Variants in PSMD9 observed in about 807,000 individuals in gnomAD.
PSMD9 encodes the protein proteasome 26S subunit, non-ATPase 9, also known as 26S proteasome non-ATPase regulatory subunit 9.
A neutral mutation model predicts 25.9 loss-of-function variants in PSMD9; 26 were observed. That is an observed-to-expected ratio of 1.00 (90% confidence interval 0.73 to 1.39). The LOEUF is 1.39. PSMD9 is among the 40% of genes most tolerant of loss of function. PSMD9 has a pLI of 0.00. For missense variants in PSMD9, 303 were observed against 299.3 expected, an observed-to-expected ratio of 1.01 and a Z score of -0.09; for synonymous variants, 110 against 114.5, an observed-to-expected ratio of 0.96 and a Z score of 0.25.
intron 4 of PSMD9, chr12:121,915,649 T>G (rs182954630): frequency 3.1e-4 from 163 of 532,798 alleles, no homozygotes; most frequent in African/African-American, 3.0e-3. Context: ...GGACACGTGT[T>G]TTTTGAGGAA....
intron 4 of PSMD9, among the ~76,000 whole-genome samples, chr12:121,911,317 G>C (rs1879713391): frequency 6.6e-6 from 1 of 152,174 alleles, no homozygotes; most frequent in Admixed American, 6.5e-5. Flanking sequence ...TGGGATTACA[G>C]GACACTGTAT....
rs542016320 is a variant in PSMD9, at chr12:121,899,702, G to A, written c.310G>A (p.Asp104Asn). ...GGCCCTGCACCAGCTGCACGCTCGC[G>A]ACAAGGAGAAGCAGGCCCGGGACAT... ...EEALHQLHARDKEKQARDMAE... is the reference protein window; with the variant it reads ...EEALHQLHARNKEKQARDMAE... The change falls in exon 3 of 6, where the codon GAC becomes AAC. Residue 104 changes from aspartate (D) to asparagine (N), a missense_variant. Physicochemically the swap from Asp to Asn is conservative, Grantham distance 23. Transcript: ENST00000541212. 15 of 1,614,090 alleles carry A rather than the reference G, an allele frequency of 9.3e-6. No individual in the cohort carries two copies. In the African/African-American group the frequency reaches 1.3e-4, roughly 14 times the overall value.
Position 121,898,542 on chromosome 12 carries a change from CT to C in PSMD9, c.242-1075del, listed in dbSNP as rs370294954. 266 of 139,614 alleles carry C rather than the reference CT, an allele frequency of 1.9e-3. 2 individuals carry two copies. The highest frequency in any genetic ancestry group is 2.9e-3 in the African/African-American group (113 of 38,336). 8.6% of individuals were successfully genotyped at this position (139,614 alleles called of 1,614,324 possible). A position where few individuals can be genotyped will look rare whatever the true frequency, so the allele number is the denominator to read the frequency against. ...CCAGGATTACTAGGCTTATGCAGCA[CT>C]TTTTTTTTTTTTTTTTGAGACGAAT... On this transcript the variant is annotated intron_variant, in intron 2 of 5. Coordinates refer to ENST00000541212, the MANE Select transcript of PSMD9 (RefSeq NM_002813.7).
Position 121,917,004 on chromosome 12 carries a change from T to C in PSMD9, c.*693T>C, listed in dbSNP as rs946243336. On this transcript the variant is annotated 3_prime_UTR_variant, in exon 6 of 6. Transcript: ENST00000541212. Reference sequence around the variant, plus strand: ...AAGAACCCCTCCGTTTTTGTGTGTTTTTGTTTTTGTTTTCTGGAGACAAGG... The same window carrying C: ...AAGAACCCCTCCGTTTTTGTGTGTTCTTGTTTTTGTTTTCTGGAGACAAGG... 1 of 152,386 alleles carries C rather than the reference T, an allele frequency of 6.6e-6. No individual in the cohort carries two copies. Among genetic ancestry groups the C allele is most frequent in the Non-Finnish European group, 1.5e-5 (1 of 68,234 alleles). 9.4% of individuals were successfully genotyped at this position (152,386 alleles called of 1,614,324 possible).
chr12:121,899,536 C>T (rs2135722900), intron 2 of PSMD9, 98 bp from the exon 3 acceptor site: 2 of 1,142,468 alleles, frequency 1.8e-6, no homozygotes, highest in East Asian at 2.6e-5. Context: ...CCACATCTGG[C>T]ATGTAATAAG....
Position 121,901,012 on chromosome 12 carries a change from A to G in PSMD9, c.453+1167A>G, listed in dbSNP as rs1295728279. Among the ~76,000 whole-genome samples the G allele has an allele frequency of 2.1e-5, 3 of 145,708 alleles. No individual in the cohort carries two copies. The East Asian group carries it at 6.0e-4, about 29-fold the overall frequency. On this transcript the variant is annotated intron_variant, in intron 3 of 5. Coordinates refer to ENST00000541212, the MANE Select transcript of PSMD9 (RefSeq NM_002813.7). ...AAAAAAAAAAAAAAAAAAAAAGGAG[A>G]TGGGGTTTCGCTCTGTTGCGTAGGT...
intron 2 of PSMD9, chr12:121,898,291 T>C (rs139212143): frequency 7.2e-5 from 11 of 152,360 alleles, no homozygotes; most frequent in Non-Finnish European, 2.9e-5. Flanking sequence ...TGTGCTGGCG[T>C]GGCCTGCAGA....
intron 1 of PSMD9, among the ~76,000 whole-genome samples, chr12:121,889,552 T>G (rs1423238724): frequency 6.6e-6 from 1 of 152,084 alleles, no homozygotes; most frequent in African/African-American, 2.4e-5. Context: ...TAAACTTCAG[T>G]GTGTATATGA....
chr12:121,904,330 T>C (rs1290007348), intron 4 of PSMD9, among the ~76,000 whole-genome samples: 1 of 149,644 alleles, frequency 6.7e-6, no homozygotes, highest in Non-Finnish European at 1.5e-5. Flanking sequence ...ATCCCAGCAC[T>C]TTAGGAGGGC....
At chr12:121,912,884 A>G (rs7978403) in intron 4 of PSMD9, among the ~76,000 whole-genome samples, 16,565 of 148,340 alleles carry the variant, frequency 0.11, 1,382 homozygotes, top group East Asian at 0.24. Context: ...AAAAAAAAAA[A>G]AAAGAAAGAA....
chr12:121,894,759 C>T lies in PSMD9; in HGVS notation c.159C>T (p.Asn53=), dbSNP rs769423875. 2.3e-5 allele frequency: 37 copies of T among 1,613,750 alleles called. No individual in the cohort carries two copies. The highest frequency in any genetic ancestry group is 2.8e-5 in the Non-Finnish European group (33 of 1,179,988). The part of the protein sequence containing the change: ...VLESQKGIGM[N]EPLVDCEGYP... ...TCCAGCAAAAAGGCATTGGGATGAA[C>T]GAGCCGCTGGTGGACTGTGAGGGCT... Residue 53 remains asparagine (N), a synonymous_variant, in exon 2 of 6, where the codon AAC becomes AAT. Coordinates refer to ENST00000541212, the MANE Select transcript of PSMD9 (RefSeq NM_002813.7).
intron 1 of PSMD9, among the ~76,000 whole-genome samples, chr12:121,890,066 C>T (rs1879019729): frequency 6.6e-6 from 1 of 152,000 alleles, no homozygotes; most frequent in South Asian, 2.1e-4. Context: ...TACAGGCGAG[C>T]GCCAGTACGC....
chr12:121,906,210 C>A (rs1281645995), intron 4 of PSMD9, among the ~76,000 whole-genome samples: 3 of 151,708 alleles, frequency 2.0e-5, no homozygotes, highest in African/African-American at 7.3e-5. Context: ...ACGGGGAATT[C>A]CAAGATGTCA....
chr12:121,895,112 A>C (rs1879195186), intron 2 of PSMD9, among the ~76,000 whole-genome samples: 1 of 151,466 alleles, frequency 6.6e-6, no homozygotes. Flanking sequence ...TGGTGCTAAC[A>C]TGACTCACTG....
chr12:121,908,459 G>T (rs558079654), intron 4 of PSMD9, among the ~76,000 whole-genome samples: 34 of 152,132 alleles, frequency 2.2e-4, no homozygotes, highest in Non-Finnish European at 4.7e-4. Context: ...GATTATAGGC[G>T]TGAGCCACTG....
chr12:121,912,273 C>T (rs1473471369), intron 4 of PSMD9, among the ~76,000 whole-genome samples: 3 of 151,900 alleles, frequency 2.0e-5, no homozygotes, highest in Non-Finnish European at 4.4e-5. Context: ...CAAGCGATCC[C>T]ACCCGTCTTG....
At chr12:121,910,923 C>A (rs975640951) in intron 4 of PSMD9, 2 of 456,214 alleles carry the variant, frequency 4.4e-6, no homozygotes, top group Non-Finnish European at 8.8e-6. Flanking sequence ...CACTAACTCT[C>A]CATTCCCACT....
At chr12:121,916,176 C>T in intron 5 of PSMD9, 108 bp from the exon 6 acceptor site, 3 of 1,466,568 alleles carry the variant, frequency 2.0e-6, no homozygotes, top group Non-Finnish European at 1.9e-6. Context: ...TAGGCATTTG[C>T]TTTAAAAGAA....
rs1879906139 is a variant in PSMD9, at chr12:121,916,461, C to T, written c.*150C>T. 1.1e-6 allele frequency: 1 copy of T among 930,012 alleles called. No homozygotes were observed. The allele number at this position is 930,012 out of a possible 1,614,324, so 57.6% of individuals were successfully genotyped here. A position where few individuals can be genotyped will look rare whatever the true frequency, so the allele number is the denominator to read the frequency against. On this transcript the variant is annotated 3_prime_UTR_variant, in exon 6 of 6. Transcript: ENST00000541212. ...TGTGTGGTGGCAGTACTGTGGCCCACCAGTGTAATCTCCCTGGATTAAGGC... is the reference window on the plus strand; with the variant it reads ...TGTGTGGTGGCAGTACTGTGGCCCATCAGTGTAATCTCCCTGGATTAAGGC...
Sources: gnomAD v4.1 joint callset for allele counts (sites outside exome capture counted in the v4.1 genomes callset) on GRCh38, gnomAD v4.1.1 for gene constraint, MANE v1.5 for transcripts, NCBI Gene and HGNC (gene_info 2026-07-23, HGNC 2026-07-21) for gene names.